SP3: variants seen among roughly 807,000 people sequenced by gnomAD.
SP3 encodes Sp3 transcription factor, also known as transcription factor Sp3.
A neutral mutation model predicts 70.3 loss-of-function variants in SP3; 10 were observed. That is an observed-to-expected ratio of 0.14 (90% CI 0.09 to 0.24). The LOEUF (loss-of-function observed/expected upper bound fraction) is 0.24. Ranked by LOEUF, SP3 falls within the 10% of genes least tolerant of loss-of-function variation. The pLI, the probability that SP3 is intolerant of heterozygous loss-of-function variation, is 1.00. For synonymous variants in SP3, 402 were observed against 333.5 expected (o/e 1.21, Z -2.24); for missense variants, 825 against 914.6 (o/e 0.90, Z 1.26).
At chr2:173,964,174 G>A (rs1574431482) in intron 2 of SP3, 2 of 411,006 alleles carry the variant, frequency 4.9e-6, no homozygotes, top group Non-Finnish European at 4.3e-6. Context: ...AGGGCACGCT[G>A]GGGCCCACAC....
chr2:173,905,542 CAA>C lies in SP3; in HGVS notation c.*4397_*4398del, dbSNP rs1689289275. ...CTTCTCAGGATATCATTCTTAACATCAAAAACTGTATCTTAAACGTATTTAAT... is the reference window on the plus strand; with the variant it reads ...CTTCTCAGGATATCATTCTTAACATCAAACTGTATCTTAAACGTATTTAAT... On this transcript the variant is annotated 3_prime_UTR_variant, in exon 7 of 7. Transcript: ENST00000310015. Among the ~76,000 whole-genome samples, 1 of 152,002 alleles carries C rather than the reference CAA, an allele frequency of 6.6e-6. No homozygotes were observed. The highest frequency in any genetic ancestry group is 6.6e-5 in the Admixed American group (1 of 15,266).
intron 1 of SP3, 181 bp downstream of exon 1, chr2:173,964,984 G>T (rs1468283685): frequency 5.2e-6 from 4 of 775,756 alleles, no homozygotes; most frequent in South Asian, 2.0e-5. Flanking sequence ...TGGGGCTTCG[G>T]GGGTGGACGG....
intron 4 of SP3, among the ~76,000 whole-genome samples, chr2:173,936,201 A>G (rs1490169861): frequency 2.6e-5 from 4 of 151,890 alleles, no homozygotes; most frequent in Non-Finnish European, 5.9e-5. Context: ...ATTTTTTTCT[A>G]TTTTTAGTAG....
At chr2:173,946,583 A>G (rs527573880) in intron 4 of SP3, among the ~76,000 whole-genome samples, 5 of 152,170 alleles carry the variant, frequency 3.3e-5, no homozygotes, top group Non-Finnish European at 7.3e-5. Flanking sequence ...AGTATTTTAA[A>G]TATCTTCACT....
chr2:173,942,927 CATTAT>C (rs550935998), intron 4 of SP3, among the ~76,000 whole-genome samples: 2 of 152,188 alleles, frequency 1.3e-5, no homozygotes, highest in Non-Finnish European at 2.9e-5. Flanking sequence ...ATAGCATTTA[CATTAT>C]ATTAGGTATT....
chr2:173,934,385 G>A (rs1690156963), intron 4 of SP3, among the ~76,000 whole-genome samples: 2 of 152,046 alleles, frequency 1.3e-5, no homozygotes, highest in African/African-American at 4.8e-5. Context: ...CTTTTTGAGT[G>A]GTTACTGCTG....
At position 173,955,268 on chromosome 2, in the gene SP3, C is replaced by A; in HGVS notation, c.1244G>T (p.Gly415Val). Residue 415 changes from glycine to valine, a missense_variant, in exon 4 of 7, where the codon GGT becomes GTT. Physicochemically the swap from Gly to Val is moderately radical, Grantham distance 109 (BLOSUM62 -3). Around this residue, in one of 4 missense-constraint regions of SP3, gnomAD observed 678 missense variants for 651.6 expected, o/e 1.04. Transcript: ENST00000310015. ...QPTSQAQIVQGITPQTIHGVQ... is the reference protein window; with the variant it reads ...QPTSQAQIVQVITPQTIHGVQ... ...ACCATGGATTGTCTGTGGTGTAATA[C>A]CTTGCACAATTTGGGCTTGACTGGT... is the stretch of plus-strand genomic sequence containing the variant. The A allele has an allele frequency of 6.2e-7, 1 of 1,614,002 alleles. No individual in the cohort carries two copies. Among genetic ancestry groups the A allele is most frequent in the Non-Finnish European group, 8.5e-7 (1 of 1,180,014 alleles).
chr2:173,956,047 T>A lies in SP3; in HGVS notation c.465A>T (p.Ala155=), dbSNP rs754947226. The change falls in exon 4 of 7, where the codon GCA becomes GCT. Residue 155 remains alanine, a synonymous_variant. Coordinates refer to ENST00000310015, the MANE Select transcript of SP3 (RefSeq NM_003111.5). ...NLQNQQIFSV[A]PGSDSSNGTV... ...TACCATTTGATGAATCTGATCCTGG[T>A]GCAACGGAAAATATTTGTTGATTCT... The A allele has an allele frequency of 6.2e-7, 1 of 1,614,186 alleles. No individual in the cohort carries two copies. Among genetic ancestry groups the A allele is most frequent in the East Asian group, 2.2e-5 (1 of 44,878 alleles).
chr2:173,916,338 A>T (rs1212757013), intron 5 of SP3: 1 of 152,080 alleles, frequency 6.6e-6, no homozygotes, highest in Non-Finnish European at 1.5e-5. Flanking sequence ...GGAAAGGCTG[A>T]CCAACTTTAA....
chr2:173,959,502 G>A (rs1690994203), intron 3 of SP3, among the ~76,000 whole-genome samples: 1 of 152,124 alleles, frequency 6.6e-6, no homozygotes, highest in Non-Finnish European at 1.5e-5. Context: ...GAGGCGGGCA[G>A]ATCACTTGAG....
At position 173,910,181 on chromosome 2, in the gene SP3, T is replaced by G; in HGVS notation, c.2106A>C (p.Thr702=). The change falls in exon 7 of 7, where the codon ACA becomes ACC. Residue 702 remains threonine (T), a synonymous_variant. Coordinates refer to ENST00000310015, the MANE Select transcript of SP3 (RefSeq NM_003111.5). ...AGTGAATACCTTTTTTATTCTGGTGTGTTTTAATATGTTTGGCAAGGTGGT... is the reference window on the plus strand; with the variant it reads ...AGTGAATACCTTTTTTATTCTGGTGGGTTTTAATATGTTTGGCAAGGTGGT... The part of the protein sequence containing the change: ...RSDHLAKHIK[T]HQNKKGIHSS... 1 of 1,613,976 alleles carries G rather than the reference T, an allele frequency of 6.2e-7. No homozygotes were observed. Among genetic ancestry groups the G allele is most frequent in the Non-Finnish European group, 8.5e-7 (1 of 1,179,886 alleles).
chr2:173,934,834 T>C (rs1182066340), intron 4 of SP3, among the ~76,000 whole-genome samples: 1 of 152,208 alleles, frequency 6.6e-6, no homozygotes, highest in Non-Finnish European at 1.5e-5. Context: ...TAAAAATAAA[T>C]ACATTCTATT....
chr2:173,906,962 T>C lies in SP3; in HGVS notation c.*2979A>G, dbSNP rs1689343333. On this transcript the variant is annotated 3_prime_UTR_variant, in exon 7 of 7. Coordinates refer to ENST00000310015, the MANE Select transcript of SP3 (RefSeq NM_003111.5). ...ATAGGCTTGACATGCTTTCAGCTTA[T>C]ATGTATGTGTATTTTTAAGTATCTT... The C allele has an allele frequency of 6.6e-6, 1 of 152,194 alleles. No individual in the cohort carries two copies. Among genetic ancestry groups the C allele is most frequent in the Non-Finnish European group, 1.5e-5 (1 of 68,026 alleles). The allele number at this position is 152,194 out of a possible 1,614,324, so 9.4% of individuals were successfully genotyped here.
At chr2:173,942,409 T>G (rs777517761) in intron 4 of SP3, among the ~76,000 whole-genome samples, 2 of 151,886 alleles carry the variant, frequency 1.3e-5, no homozygotes, top group African/African-American at 2.4e-5. Flanking sequence ...CTATGAAAAA[T>G]ACAAAAATTA....
rs754212965 is a variant in SP3, at chr2:173,918,669, C to T, written c.1756G>A (p.Asp586Asn). ...CTTTTTCCTTCTTGATGTTGTTGGT[C>T]CCCTTCTTCATCTACCACCTGTACT... Reference protein sequence around the residue: ...LRVQVVDEEGDQQHQEGKRLR... With the variant: ...LRVQVVDEEGNQQHQEGKRLR... Residue 586 changes from aspartate (D) to asparagine (N), a missense_variant, in exon 5 of 7, where the codon GAC (aspartate) becomes AAC (asparagine). This residue lies in a region of SP3 where 37 missense variants were observed against 66.2 expected (regional missense o/e 0.56). Transcript: ENST00000310015. 3 of 1,613,832 alleles carry T rather than the reference C, an allele frequency of 1.9e-6. No individual in the cohort carries two copies. The highest frequency in any genetic ancestry group is 2.5e-6 in the Non-Finnish European group (3 of 1,179,846).
At chr2:173,948,481 G>C (rs1690610779) in intron 4 of SP3, among the ~76,000 whole-genome samples, 1 of 152,084 alleles carries the variant, frequency 6.6e-6, no homozygotes, top group East Asian at 1.9e-4. Flanking sequence ...TACTCCCTGA[G>C]GTTTCAGGAT....
In SP3 at chr2:173,907,708, T is replaced by G. The variant is rs1689370595; in HGVS notation, c.*2233A>C. 2 of 152,148 alleles carry G rather than the reference T, an allele frequency of 1.3e-5. No individual in the cohort carries two copies. The highest frequency in any genetic ancestry group is 4.8e-5 in the African/African-American group (2 of 41,444). 9.4% of individuals were successfully genotyped at this position (152,148 alleles called of 1,614,324 possible). On this transcript the variant is annotated 3_prime_UTR_variant, in exon 7 of 7. Transcript: ENST00000310015. ...GGGCAGTTTGCTCAAGTGAACCACC[T>G]GCTGCTCACTTAATTCTCTTCACAT...
chr2:173,918,159 A>T (rs868245604), intron 5 of SP3, among the ~76,000 whole-genome samples: 3 of 152,088 alleles, frequency 2.0e-5, no homozygotes, highest in African/African-American at 4.8e-5. Context: ...CCCATTTTTT[A>T]AAAAATTCAA....
intron 4 of SP3, among the ~76,000 whole-genome samples, chr2:173,936,239 C>G (rs1210419296): frequency 3.3e-5 from 5 of 152,042 alleles, no homozygotes; most frequent in East Asian, 1.9e-4. Context: ...ATTGGTCAGG[C>G]TGCTCTTGAC....
Sources: allele counts gnomAD v4.1 joint callset (sites outside exome capture counted in the v4.1 genomes callset), GRCh38; gene constraint gnomAD v4.1.1; regional missense constraint gnomAD v4.1.1; transcripts MANE v1.5; gene names NCBI Gene and HGNC (gene_info 2026-07-23, HGNC 2026-07-21).